Variants in KLHDC4 observed in about 807,000 individuals in gnomAD.
KLHDC4 encodes the protein kelch domain containing 4.
In KLHDC4, 90 loss-of-function variants were observed where a neutral mutation model predicts 62.4. That is an observed-to-expected ratio of 1.44 (90% CI 1.22 to 1.72). The LOEUF is 1.72. Among genes scored for constraint, KLHDC4 ranks in the 40% most tolerant of loss-of-function variants. The probability of loss-of-function intolerance (pLI) is 0.00; values close to 1 mark genes in which losing one functional copy is unlikely to be tolerated. For synonymous variants in KLHDC4, 386 were observed against 284.4 expected (o/e 1.36, Z -3.59); for missense variants, 1,025 against 699.7 (o/e 1.47, Z -5.25).
At chr16:87,734,964 CCTGACGCCCCTCCCCCTCCTGACG>C in intron 5 of KLHDC4, among the ~76,000 whole-genome samples, 3 of 58,334 alleles carry the variant, frequency 5.1e-5, no homozygotes, top group African/African-American at 1.8e-4. Context: ...TGACGAATTG[CCTGACGCCCCTCCCCCTCCTGACG>C]AATTGCCTGA....
chr16:87,720,260 G>C lies in KLHDC4; in HGVS notation c.760-5687C>G, dbSNP rs538172831. Among the ~76,000 whole-genome samples the C allele has an allele frequency of 1.3e-4, 20 of 152,256 alleles. 1 individual carries two copies. In the East Asian group the frequency reaches 3.7e-3, roughly 28 times the overall value. On this transcript the variant is annotated intron_variant, in intron 7 of 11. Transcript: ENST00000270583. The stretch of plus-strand genomic sequence containing the variant: ...AAGACGGCCAGACGACTGGTCCTGG[G>C]AGAAGACAGTGCTAACGGCAGCACT...
Position 87,765,821 on chromosome 16 carries a change from T to A in KLHDC4, c.70A>T (p.Lys24Ter). Residue 24 changes from lysine to a stop codon, truncating the protein, a stop_gained, in exon 1 of 12, where the codon AAG (lysine) becomes TAG (stop). Transcript: ENST00000270583. LOFTEE classifies it high-confidence loss of function. ...TCCTTCCGCGAGCGCTTAGACACCT[T>A]CTTCTCCATCTTGGCGGCCGTCTTC... The part of the protein sequence containing the change: ...AEKTAAKMEK[K>*]VSKRSRKEEE... The A allele has an allele frequency of 6.4e-7, 1 of 1,566,008 alleles. No individual in the cohort carries two copies. Among genetic ancestry groups the A allele is most frequent in the South Asian group, 1.2e-5 (1 of 85,158 alleles).
At chr16:87,734,497 T>C (rs533966142) in intron 5 of KLHDC4, among the ~76,000 whole-genome samples, 1 of 152,290 alleles carries the variant, frequency 6.6e-6, no homozygotes, top group African/African-American at 2.4e-5. Flanking sequence ...CTGGAGCGAA[T>C]TCGGTTCTCA....
intron 5 of KLHDC4, 85 bp downstream of exon 5, chr16:87,748,588 C>A: frequency 6.5e-7 from 1 of 1,545,254 alleles, no homozygotes; most frequent in South Asian, 1.2e-5. Context: ...CCCTGGTATT[C>A]TGAGGTCTGC....
exon 1 of KLHDC4, chr16:87,700,476 G>C (rs1442699296): frequency 6.0e-6 from 1 of 167,202 alleles, no homozygotes; most frequent in African/African-American, 2.4e-5. Flanking sequence ...GAGGAGGGCA[G>C]GGGGTAGAGG....
At chr16:87,722,839 C>T (rs1394600595) in intron 7 of KLHDC4, among the ~76,000 whole-genome samples, 1 of 152,230 alleles carries the variant, frequency 6.6e-6, no homozygotes, top group Non-Finnish European at 1.5e-5. Context: ...GAGTGCAGTG[C>T]ATGGCAGTGG....
At chr16:87,701,363 G>A (rs956910741) in exon 1 of KLHDC4, 5 of 318,798 alleles carry the variant, frequency 1.6e-5, no homozygotes, top group Admixed American at 1.6e-4. Context: ...GAGAGAAGCT[G>A]AATGCTCCTC....
chr16:87,725,129 A>C (rs1350925595), intron 7 of KLHDC4, among the ~76,000 whole-genome samples: 1 of 152,122 alleles, frequency 6.6e-6, no homozygotes, highest in Non-Finnish European at 1.5e-5. Flanking sequence ...GGACAGGCAG[A>C]TCTATTACGG....
At chr16:87,710,886 C>T (rs1450139028) in intron 9 of KLHDC4, 9 of 235,520 alleles carry the variant, frequency 3.8e-5, no homozygotes, top group South Asian at 1.6e-4. Context: ...AAGATGGTGT[C>T]GGAAACCAGG....
intron 7 of KLHDC4, among the ~76,000 whole-genome samples, chr16:87,719,830 G>A (rs1204382941): frequency 1.3e-5 from 2 of 152,214 alleles, no homozygotes; most frequent in Non-Finnish European, 2.9e-5. Context: ...GAGCGCAACA[G>A]GGCTGGCTCT....
chr16:87,741,732 C>A (rs1327558634), intron 5 of KLHDC4, among the ~76,000 whole-genome samples: 1 of 152,196 alleles, frequency 6.6e-6, no homozygotes, highest in African/African-American at 2.4e-5. Flanking sequence ...TGCCTTCCTA[C>A]AAGAAAACCC....
At chr16:87,752,650 A>T (rs1370207927) in intron 4 of KLHDC4, among the ~76,000 whole-genome samples, 1 of 151,968 alleles carries the variant, frequency 6.6e-6, no homozygotes, top group East Asian at 1.9e-4. Flanking sequence ...CACTGTTTCA[A>T]CATCCTTTCC....
intron 8 of KLHDC4, among the ~76,000 whole-genome samples, chr16:87,712,053 G>C: frequency 6.9e-6 from 1 of 144,432 alleles, no homozygotes; most frequent in Admixed American, 6.7e-5. Flanking sequence ...CCCTTCGCCC[G>C]GGGGCTGCAG....
intron 7 of KLHDC4, among the ~76,000 whole-genome samples, chr16:87,725,362 T>C (rs2039169718): frequency 1.3e-5 from 2 of 152,156 alleles, no homozygotes; most frequent in Non-Finnish European, 2.9e-5. Flanking sequence ...AGACGGGGTT[T>C]CACAGTGTTA....
At chr16:87,755,424 A>T in intron 3 of KLHDC4, 132 bp from the exon 4 acceptor site, 4 of 544,938 alleles carry the variant, frequency 7.3e-6, no homozygotes, top group Non-Finnish European at 1.0e-5. Context: ...CAGCACAGGG[A>T]GGCCATGGGC....
intron 4 of KLHDC4, among the ~76,000 whole-genome samples, chr16:87,752,119 C>CAAAAAAAAAA (rs2044088031): frequency 1.6e-5 from 1 of 63,454 alleles, no homozygotes; most frequent in Non-Finnish European, 3.1e-5. Flanking sequence ...AAAAAAGAAG[C>CAAAAAAAAAA]CAAATGGCCA....
chr16:87,731,458 G>A (rs1398254979), intron 5 of KLHDC4, among the ~76,000 whole-genome samples: 1 of 151,554 alleles, frequency 6.6e-6, no homozygotes, highest in Non-Finnish European at 1.5e-5. Context: ...ATAGAAAAAT[G>A]GGGGGAAAAA....
chr16:87,719,087 G>A (rs1479077325), intron 7 of KLHDC4, among the ~76,000 whole-genome samples: 1 of 151,052 alleles, frequency 6.6e-6, no homozygotes, highest in African/African-American at 2.4e-5. Flanking sequence ...CCCCGTCTGG[G>A]AGGGAGGTGG....
intron 6 of KLHDC4, among the ~76,000 whole-genome samples, chr16:87,727,871 C>T (rs1258985948): frequency 6.6e-6 from 1 of 152,146 alleles, no homozygotes; most frequent in Non-Finnish European, 1.5e-5. Flanking sequence ...GTTTACCCAG[C>T]ACCAGCTGCC....
Sources: allele counts gnomAD v4.1 joint callset (sites outside exome capture counted in the v4.1 genomes callset), GRCh38; gene constraint gnomAD v4.1.1; transcripts MANE v1.5; gene names NCBI Gene and HGNC (gene_info 2026-07-23, HGNC 2026-07-21).